Variants in KIAA1958 observed in about 807,000 individuals in gnomAD.
KIAA1958 encodes the protein KIAA1958.
A neutral mutation model predicts 47.2 loss-of-function variants in KIAA1958; 14 were observed. That is an observed-to-expected ratio of 0.30 (90% CI 0.20 to 0.46). The LOEUF (loss-of-function observed/expected upper bound fraction) is 0.46, where lower values mean the gene tolerates loss of function less well. Ranked by LOEUF, KIAA1958 falls within the 20% of genes least tolerant of loss-of-function variation. KIAA1958 has a pLI of 1.00. For missense variants in KIAA1958, 803 were observed against 909.2 expected (o/e 0.88, Z 1.50); for synonymous variants, 354 against 353.3 (o/e 1.00, Z -0.02).
chr9:112,614,170 G>A (rs937011690), intron 2 of KIAA1958, among the ~76,000 whole-genome samples: 5 of 152,046 alleles, frequency 3.3e-5, no homozygotes, highest in Non-Finnish European at 7.4e-5. Context: ...AAGAGTTTAC[G>A]TTCTAAGAGT....
Position 112,618,510 on chromosome 9 carries a change from G to A in KIAA1958, c.1172-27140G>A, listed in dbSNP as rs888352942. On this transcript the variant is annotated intron_variant, in intron 2 of 3. Coordinates refer to ENST00000337530, the MANE Select transcript of KIAA1958 (RefSeq NM_133465.4). This position sits in a 1 kb window ranked among gnomAD's most constrained non-coding sequence, Gnocchi z 7.1. ...ACCAAGAGAGGGGGGACAGACTCCC[G>A]TGTGTATGCCACCCAGCACGCCCCA... 1.7e-5 allele frequency: 27 copies of A among 1,550,576 alleles called. No individual in the cohort carries two copies. The highest frequency in any genetic ancestry group is 1.7e-4 in the Middle Eastern group (1 of 6,014).
intron 2 of KIAA1958, among the ~76,000 whole-genome samples, chr9:112,630,814 C>G (rs1204211136): frequency 6.6e-6 from 1 of 152,198 alleles, no homozygotes; most frequent in Non-Finnish European, 1.5e-5. Context: ...GTCCACCAGT[C>G]TTTACTCACA....
At chr9:112,656,393 AAAAG>A (rs1280663581) in intron 3 of KIAA1958, among the ~76,000 whole-genome samples, 2 of 151,342 alleles carry the variant, frequency 1.3e-5, no homozygotes, top group Non-Finnish European at 3.0e-5. Flanking sequence ...AAAAAAAAAA[AAAAG>A]CATTTCGAGG....
intron 1 of KIAA1958, among the ~76,000 whole-genome samples, chr9:112,543,567 C>CTTTTTTTTTTTTTTTTTTT (rs138422704): frequency 9.2e-6 from 1 of 108,180 alleles, no homozygotes; most frequent in African/African-American, 3.5e-5. Context: ...TTCTGAGCTT[C>CTTTTTTTTTTTTTTTTTTT]TTTTTTTTTT....
At chr9:112,630,128 G>C (rs1479971293) in intron 2 of KIAA1958, among the ~76,000 whole-genome samples, 1 of 152,212 alleles carries the variant, frequency 6.6e-6, no homozygotes, top group Non-Finnish European at 1.5e-5. Context: ...GCATGTGACT[G>C]TGCCAACACA....
chr9:112,623,383 T>C (rs546216880), intron 2 of KIAA1958, among the ~76,000 whole-genome samples: 1 of 152,320 alleles, frequency 6.6e-6, no homozygotes, highest in South Asian at 2.1e-4. Flanking sequence ...ACAGTTAATA[T>C]GTAAGAGCAT....
At chr9:112,608,972 A>G (rs746762665) in intron 2 of KIAA1958, among the ~76,000 whole-genome samples, 7 of 152,192 alleles carry the variant, frequency 4.6e-5, no homozygotes, top group Non-Finnish European at 7.4e-5. Flanking sequence ...AACTGGAAAA[A>G]GTTTCTTTAC....
At chr9:112,652,263 T>G (rs924635883) in intron 3 of KIAA1958, among the ~76,000 whole-genome samples, 5 of 152,324 alleles carry the variant, frequency 3.3e-5, no homozygotes, top group African/African-American at 1.2e-4. Flanking sequence ...GCCAATTTTA[T>G]CATCCATAGT....
intron 1 of KIAA1958, among the ~76,000 whole-genome samples, chr9:112,545,348 A>G (rs1835009249): frequency 6.6e-6 from 1 of 152,176 alleles, no homozygotes; most frequent in Non-Finnish European, 1.5e-5. Flanking sequence ...TGCATGGTAA[A>G]TTGCTTTGCT....
chr9:112,512,361 AG>A (rs1834337540), intron 1 of KIAA1958, among the ~76,000 whole-genome samples: 1 of 152,064 alleles, frequency 6.6e-6, no homozygotes, highest in Non-Finnish European at 1.5e-5. Context: ...TCAGGAAAAC[AG>A]TTTATTATAT....
At chr9:112,600,070 C>T (rs1309503958) in intron 2 of KIAA1958, among the ~76,000 whole-genome samples, 4 of 152,248 alleles carry the variant, frequency 2.6e-5, no homozygotes, top group East Asian at 1.9e-4. Context: ...TTGGCCGAGA[C>T]GAAAGTGCTT....
At chr9:112,491,368 T>C (rs1198531244) in intron 1 of KIAA1958, among the ~76,000 whole-genome samples, 1 of 152,248 alleles carries the variant, frequency 6.6e-6, no homozygotes, top group African/African-American at 2.4e-5. Context: ...TAGCTTTTTT[T>C]CTTCTCTGCA....
intron 2 of KIAA1958, among the ~76,000 whole-genome samples, chr9:112,590,373 C>T (rs1248523704): frequency 5.7e-5 from 8 of 139,670 alleles, no homozygotes; most frequent in African/African-American, 2.2e-4. Context: ...TTTTTTGAGA[C>T]GGAATGTCAC....
At position 112,611,405 on chromosome 9, in the gene KIAA1958, A is replaced by C. The variant is rs145256966; in HGVS notation, c.1172-34245A>C. ...TTGGTTGGGTACAATACAAATATAC[A>C]ACAGTTAGTAACCTTATATACAATT... On this transcript the variant is annotated intron_variant, in intron 2 of 3. Coordinates refer to ENST00000337530, the MANE Select transcript of KIAA1958 (RefSeq NM_133465.4). Among the ~76,000 whole-genome samples, 39 of 152,298 alleles carry C rather than the reference A, an allele frequency of 2.6e-4. No individual in the cohort carries two copies. The East Asian group carries it at 7.3e-3, about 29-fold the overall frequency.
chr9:112,659,895 G>T lies in KIAA1958; in HGVS notation c.1977G>T (p.Glu659Asp). ...KSPFYLTARK[E>D]ATDMGSVWYE... ...CCTTCTACCTGACTGCCAGGAAGGA[G>T]GCCACAGACATGGGCAGCGTGTGGT... The change falls in exon 4 of 4, where the codon GAG becomes GAT. Residue 659 changes from glutamate to aspartate, a missense_variant. Glu to Asp is a conservative substitution (Grantham distance 45, BLOSUM62 2). This residue lies in a region of KIAA1958 where 761 missense variants were observed against 829.3 expected (regional missense o/e 0.92). Transcript: ENST00000337530. 6.2e-7 allele frequency: 1 copy of T among 1,614,192 alleles called. No individual in the cohort carries two copies. Among genetic ancestry groups the T allele is most frequent in the Non-Finnish European group, 8.5e-7 (1 of 1,180,018 alleles).
rs1474156684 is a variant in KIAA1958 at position 112,666,038 on chromosome 9, AG to A, written c.*5970del. The A allele has an allele frequency of 1.3e-5, 2 of 150,594 alleles. No individual in the cohort carries two copies. Among genetic ancestry groups the A allele is most frequent in the Non-Finnish European group, 2.9e-5 (2 of 67,834 alleles). The allele number at this position is 150,594 out of a possible 1,614,324, so 9.3% of individuals were successfully genotyped here. A position where few individuals can be genotyped will look rare whatever the true frequency, so the allele number is the denominator to read the frequency against. On this transcript the variant is annotated 3_prime_UTR_variant, in exon 4 of 4. Coordinates refer to ENST00000337530, the MANE Select transcript of KIAA1958 (RefSeq NM_133465.4). ...AGTCTCACTCTGTTGCCCAGGCTGG[AG>A]TGCAGTGGTGCAATCTCTGCCTCCT...
At chr9:112,573,878 T>G (rs955991213) in intron 1 of KIAA1958, among the ~76,000 whole-genome samples, 179 bp from the exon 2 acceptor site, 1 of 152,188 alleles carries the variant, frequency 6.6e-6, no homozygotes, top group Non-Finnish European at 1.5e-5. Flanking sequence ...TCAGCTGTTT[T>G]TACTTTTCCT....
intron 2 of KIAA1958, among the ~76,000 whole-genome samples, chr9:112,630,106 G>A (rs1022589170): frequency 6.6e-6 from 1 of 152,198 alleles, no homozygotes; most frequent in Non-Finnish European, 1.5e-5. Flanking sequence ...GCCCTGGAAG[G>A]GGAAGCATTG....
chr9:112,549,689 G>A (rs150087330), intron 1 of KIAA1958, among the ~76,000 whole-genome samples: 170 of 152,302 alleles, frequency 1.1e-3, no homozygotes, highest in African/African-American at 3.6e-3. Flanking sequence ...CCTTCGGTGG[G>A]GCGAGGGGAA....
Sources: allele counts gnomAD v4.1 joint callset (sites outside exome capture counted in the v4.1 genomes callset), GRCh38; gene constraint gnomAD v4.1.1; regional missense constraint gnomAD v4.1.1; non-coding constraint Gnocchi (gnomAD v3.1); transcripts MANE v1.5; gene names NCBI Gene and HGNC (gene_info 2026-07-23, HGNC 2026-07-21).